The following ALDH1L1 variants were observed in gnomAD, a reference collection of about 807,000 sequenced individuals.
ALDH1L1 encodes aldehyde dehydrogenase 1 family member L1, also known as cytosolic 10-formyltetrahydrofolate dehydrogenase.
In ALDH1L1, 68 loss-of-function variants were observed where a neutral mutation model predicts 101.1. That is an observed-to-expected ratio of 0.67 (90% CI 0.55 to 0.82). ALDH1L1 has a LOEUF of 0.82. Among genes scored for constraint, ALDH1L1 ranks in the 40% least tolerant of loss-of-function variants. The probability of loss-of-function intolerance (pLI) is 0.00; values close to 1 mark genes in which losing one functional copy is unlikely to be tolerated. For synonymous variants in ALDH1L1, 486 were observed against 470.8 expected (o/e 1.03, Z -0.42); for missense variants, 1,087 against 1,172.7 (o/e 0.93, Z 1.07).
At chr3:126,160,770 C>T in intron 2 of ALDH1L1, 83 bp downstream of exon 2, 1 of 1,564,432 alleles carries the variant, frequency 6.4e-7, no homozygotes, top group South Asian at 1.2e-5. Context: ...ACTTCTGCTC[C>T]CAGACTCCCA....
At position 126,107,231 on chromosome 3, in the gene ALDH1L1, G is replaced by C; in HGVS notation, c.2363C>G (p.Pro788Arg). 6.2e-7 allele frequency: 1 copy of C among 1,613,990 alleles called. No homozygotes were observed. Among genetic ancestry groups the C allele is most frequent in the African/African-American group, 1.3e-5 (1 of 75,052 alleles). ...QVPRPGFFFE[P>R]TVFTDVEDHM... Reference sequence around the variant, plus strand: ...GTCTTCCACGTCTGTGAAAACAGTTGGCTCAAAGAAGAACCCTGCAAGAGA... The same window carrying C: ...GTCTTCCACGTCTGTGAAAACAGTTCGCTCAAAGAAGAACCCTGCAAGAGA... Residue 788 changes from proline to arginine, a missense_variant, in exon 21 of 23, where the codon CCA becomes CGA. Coordinates refer to ENST00000393434, the MANE Select transcript of ALDH1L1 (RefSeq NM_012190.4).
At chr3:126,128,988 G>T in intron 14 of ALDH1L1, 1 of 147,452 alleles carries the variant, frequency 6.8e-6, no homozygotes. Flanking sequence ...TCTGACCACT[G>T]CCCCATAGCA....
chr3:126,127,977 C>T (rs561547144), intron 14 of ALDH1L1, among the ~76,000 whole-genome samples: 1 of 152,104 alleles, frequency 6.6e-6, no homozygotes, highest in Admixed American at 6.5e-5. Context: ...AGCTGGAGGA[C>T]AGCTGGTGAG....
In ALDH1L1 at chr3:126,107,191, G is replaced by A. The variant is rs775076383; in HGVS notation, c.2403C>T (p.Ala801=). ...FTDVEDHMFI[A]KEESFGPVMI... ...TGACAGGCCCGAAGGACTCCTCCTT[G>A]GCTATGAACATGTGGTCTTCCACGT... The change falls in exon 21 of 23, where the codon GCC becomes GCT. Residue 801 remains alanine, a synonymous_variant. Coordinates refer to ENST00000393434, the MANE Select transcript of ALDH1L1 (RefSeq NM_012190.4). The A allele has an allele frequency of 2.0e-5, 33 of 1,614,188 alleles. No homozygotes were observed. The East Asian group carries it at 7.4e-4, about 36-fold the overall frequency.
At chr3:126,138,009 C>G (rs1282929376) in intron 9 of ALDH1L1, 49 bp from the exon 10 acceptor site, 1 of 1,606,912 alleles carries the variant, frequency 6.2e-7, no homozygotes, top group African/African-American at 1.3e-5. Flanking sequence ...GCTCAGCAGG[C>G]CTGCATCGCT....
chr3:126,154,461 A>C, intron 6 of ALDH1L1, 93 bp downstream of exon 6: 1 of 1,312,022 alleles, frequency 7.6e-7, no homozygotes, highest in East Asian at 2.3e-5. Flanking sequence ...GTAGCTATTT[A>C]TTATACCAAC....
At chr3:126,178,749 T>TGC (rs993052808) in intron 1 of ALDH1L1, among the ~76,000 whole-genome samples, 5 of 146,222 alleles carry the variant, frequency 3.4e-5, no homozygotes, top group Admixed American at 3.3e-4. Context: ...CTTAAGTTTG[T>TGC]GTGTGTGTGT....
At chr3:126,180,641 G>A (rs1055206093), upstream of ALDH1L1, 1 of 1,307,754 alleles carries the variant, frequency 7.6e-7, no homozygotes, top group Non-Finnish European at 9.8e-7. Flanking sequence ...GGAGGGGCGC[G>A]GGGCGGGCGG....
chr3:126,167,506 T>C (rs1040871853), intron 1 of ALDH1L1, among the ~76,000 whole-genome samples: 2 of 152,138 alleles, frequency 1.3e-5, no homozygotes, highest in Non-Finnish European at 2.9e-5. Context: ...ACTATCTCTA[T>C]AAACATGTCC....
chr3:126,137,425 T>C (rs564161379), intron 10 of ALDH1L1, among the ~76,000 whole-genome samples: 8 of 152,234 alleles, frequency 5.3e-5, no homozygotes, highest in Non-Finnish European at 1.0e-4. Flanking sequence ...TCTACCAAGA[T>C]AGCTCAAGGA....
At chr3:126,111,042 C>A (rs1009941220) in intron 19 of ALDH1L1, among the ~76,000 whole-genome samples, 3 of 152,216 alleles carry the variant, frequency 2.0e-5, no homozygotes, top group Non-Finnish European at 4.4e-5. Context: ...CGCAGTCACA[C>A]TCCCCCCATG....
At chr3:126,193,448 T>TA (rs1051850602) in intron 1 of ALDH1L1, among the ~76,000 whole-genome samples, 25 of 152,162 alleles carry the variant, frequency 1.6e-4, no homozygotes, top group African/African-American at 5.6e-4. Context: ...TTTGTTTTTT[T>TA]AAAAAAATCC....
upstream of ALDH1L1, among the ~76,000 whole-genome samples, chr3:126,184,952 C>G (rs556786533): frequency 9.9e-5 from 15 of 152,276 alleles, no homozygotes; most frequent in African/African-American, 3.6e-4. Flanking sequence ...GATGCTTCTA[C>G]CCTGCCTCGT....
intron 22 of ALDH1L1, 29 bp from the exon 23 acceptor site, chr3:126,103,875 C>T: frequency 1.9e-6 from 3 of 1,610,182 alleles, no homozygotes; most frequent in Non-Finnish European, 2.5e-6. Flanking sequence ...GTCACAGCAG[C>T]TCCCACCACA....
intron 22 of ALDH1L1, chr3:126,104,096 C>G: frequency 1.7e-6 from 1 of 576,398 alleles, no homozygotes; most frequent in Non-Finnish European, 3.1e-6. Context: ...CCAGCTCCCA[C>G]CGCCTTGTCT....
chr3:126,186,207 A>G (rs183290100), upstream of ALDH1L1, among the ~76,000 whole-genome samples: 376 of 152,380 alleles, frequency 2.5e-3, 2 homozygotes, highest in Non-Finnish European at 3.9e-3. Context: ...TACCACAATT[A>G]AAAATAATAA....
intron 21 of ALDH1L1, 68 bp from the exon 22 acceptor site, chr3:126,105,993 C>G: frequency 6.8e-7 from 1 of 1,472,266 alleles, no homozygotes; most frequent in South Asian, 1.2e-5. Context: ...ACTCCACACC[C>G]CGGCCCACTC....
At position 126,110,008 on chromosome 3, in the gene ALDH1L1, G is replaced by A; in HGVS notation, c.2283C>T (p.Tyr761=). The change falls in exon 20 of 23, where the codon TAC becomes TAT. Residue 761 remains tyrosine (Y), a synonymous_variant. Transcript: ENST00000393434. ...HHAHLVKLME[Y]CQHGVKEGAT... ...CCCCTTCCTTCACGCCATGCTGGCA[G>A]TACTCCATCAGCTTCACAAGGTGGG... 2 of 1,614,212 alleles carry A rather than the reference G, an allele frequency of 1.2e-6. No homozygotes were observed. Among genetic ancestry groups the A allele is most frequent in the Non-Finnish European group, 1.7e-6 (2 of 1,180,032 alleles).
chr3:126,166,175 C>G (rs1365979999), intron 1 of ALDH1L1, among the ~76,000 whole-genome samples: 2 of 152,174 alleles, frequency 1.3e-5, no homozygotes, highest in African/African-American at 4.8e-5. Context: ...TCCACCGGTT[C>G]AAAAACTGCT....
Sources: gnomAD v4.1 joint callset for allele counts (sites outside exome capture counted in the v4.1 genomes callset) on GRCh38, gnomAD v4.1.1 for gene constraint, MANE v1.5 for transcripts, NCBI Gene and HGNC (gene_info 2026-07-23, HGNC 2026-07-21) for gene names.